The following SPHKAP variants were observed in gnomAD, a reference collection of about 807,000 sequenced individuals.
The protein encoded by SPHKAP is SPHK1 interactor, AKAP domain containing.
In SPHKAP, 67 loss-of-function variants were observed where a neutral mutation model predicts 137.5. The observed-to-expected ratio is 0.49, with a 90% CI of 0.40 to 0.60. The LOEUF (loss-of-function observed/expected upper bound fraction) is 0.60, where lower values mean the gene tolerates loss of function less well. Among genes scored for constraint, SPHKAP ranks in the 20% least tolerant of loss-of-function variants. SPHKAP has a pLI of 0.00. For synonymous variants in SPHKAP, 813 were observed against 785.3 expected (o/e 1.04, Z -0.59); for missense variants, 2,097 against 2,069.3 (o/e 1.01, Z -0.26).
At chr2:228,031,551 G>C (rs1409566316) in intron 3 of SPHKAP, among the ~76,000 whole-genome samples, 2 of 152,210 alleles carry the variant, frequency 1.3e-5, no homozygotes, top group East Asian at 3.9e-4. Flanking sequence ...GGAGATCTGA[G>C]AATGGGCAGA....
At position 228,077,525 on chromosome 2, in the gene SPHKAP, G is replaced by A. The variant is rs990886554; in HGVS notation, c.246+31307C>T. On this transcript the variant is annotated intron_variant, in intron 3 of 11. Transcript: ENST00000392056. ...TGGAACTTGAAGATTTGACTGCCCT[G>A]CTGGATTTCAGACTTGCATGGGGCC... Among the ~76,000 whole-genome samples the A allele has an allele frequency of 2.0e-5, 3 of 152,250 alleles. 1 individual carries two copies. In the East Asian group the frequency reaches 5.8e-4, roughly 29 times the overall value.
At chr2:228,170,960 TA>T (rs1386760071) in intron 1 of SPHKAP, among the ~76,000 whole-genome samples, 2 of 152,116 alleles carry the variant, frequency 1.3e-5, no homozygotes, top group African/African-American at 4.8e-5. Context: ...ATATCATGGT[TA>T]ACAACAACAC....
At chr2:228,131,404 G>A (rs1699244924) in intron 2 of SPHKAP, 1 of 567,226 alleles carries the variant, frequency 1.8e-6, no homozygotes, top group African/African-American at 2.0e-5. Context: ...CCTTAGATTT[G>A]ATTGGCTGGG....
intron 1 of SPHKAP, among the ~76,000 whole-genome samples, chr2:228,174,940 A>G (rs1700694924): frequency 6.6e-6 from 1 of 151,926 alleles, no homozygotes; most frequent in Admixed American, 6.6e-5. Context: ...TCTGATAAAT[A>G]TATCAGTAGA....
At chr2:228,031,335 G>A (rs1382551324) in intron 3 of SPHKAP, among the ~76,000 whole-genome samples, 1 of 152,216 alleles carries the variant, frequency 6.6e-6, no homozygotes, top group Admixed American at 6.5e-5. Flanking sequence ...GTTGGCCATT[G>A]CCCAGGCTTG....
At chr2:228,103,590 T>C (rs1297851215) in intron 3 of SPHKAP, among the ~76,000 whole-genome samples, 3 of 152,216 alleles carry the variant, frequency 2.0e-5, no homozygotes, top group Admixed American at 2.0e-4. Context: ...CACTCTGCCC[T>C]CCGCAGCCTG....
intron 3 of SPHKAP, among the ~76,000 whole-genome samples, chr2:228,034,666 A>C (rs111798067): frequency 2.0e-5 from 3 of 152,242 alleles, no homozygotes; most frequent in Non-Finnish European, 2.9e-5. Context: ...GCAGCACATC[A>C]AAAAGCTTAT....
rs142236970 is a variant in SPHKAP, at chr2:228,019,019, T to C, written c.1835A>G (p.Lys612Arg). The part of the protein sequence containing the change: ...LCGLASMELG[K>R]EAIAKGLLKE... ...GAGCAATCCCTTGGCAATGGCTTCC[T>C]TGCCAAGCTCCATGCTTGCTAAACC... Residue 612 changes from lysine (K) to arginine (R), a missense_variant, in exon 7 of 12, where the codon AAG becomes AGG. Physicochemically the swap from Lys to Arg is conservative, Grantham distance 26 (BLOSUM62 2). Transcript: ENST00000392056. 5.6e-5 allele frequency: 91 copies of C among 1,613,878 alleles called. No individual in the cohort carries two copies. The highest frequency in any genetic ancestry group is 1.3e-4 in the Admixed American group (8 of 59,960).
chr2:228,122,646 C>T (rs918637141), intron 2 of SPHKAP, among the ~76,000 whole-genome samples: 11 of 152,152 alleles, frequency 7.2e-5, no homozygotes, highest in Non-Finnish European at 1.5e-4. Context: ...TCTGTTTCTG[C>T]GTGGACCTGG....
chr2:228,178,947 AC>A (rs1041633195), intron 1 of SPHKAP, among the ~76,000 whole-genome samples: 9 of 152,186 alleles, frequency 5.9e-5, no homozygotes, highest in East Asian at 1.9e-4. Flanking sequence ...AAAAAAAAAA[AC>A]ATGTTTTACA....
At chr2:227,995,190 A>G (rs1460310320) in intron 8 of SPHKAP, among the ~76,000 whole-genome samples, 2 of 152,242 alleles carry the variant, frequency 1.3e-5, no homozygotes, top group Non-Finnish European at 2.9e-5. Context: ...CAGAGTATCA[A>G]ACACACCAGG....
At chr2:228,033,232 G>A (rs1000201585) in intron 3 of SPHKAP, among the ~76,000 whole-genome samples, 1 of 152,124 alleles carries the variant, frequency 6.6e-6, no homozygotes, top group African/African-American at 2.4e-5. Flanking sequence ...TGCAATCCTA[G>A]TCTCTGATAA....
chr2:228,002,113 T>A (rs1232834786), intron 7 of SPHKAP, among the ~76,000 whole-genome samples: 2 of 152,190 alleles, frequency 1.3e-5, no homozygotes, highest in East Asian at 3.8e-4. Context: ...TCAAATGGTA[T>A]TTCTAGTTCT....
chr2:227,992,739 T>A (rs190018079), intron 9 of SPHKAP, among the ~76,000 whole-genome samples: 1 of 152,320 alleles, frequency 6.6e-6, no homozygotes, highest in East Asian at 1.9e-4. Flanking sequence ...CACAACTAGT[T>A]AAATGGTGAA....
At chr2:228,091,129 G>T (rs193288499) in intron 3 of SPHKAP, among the ~76,000 whole-genome samples, 1 of 152,062 alleles carries the variant, frequency 6.6e-6, no homozygotes, top group Admixed American at 6.6e-5. Context: ...GGAGTTTGAA[G>T]GATATAAATA....
chr2:228,168,392 T>C (rs1700482024), intron 1 of SPHKAP, among the ~76,000 whole-genome samples: 1 of 152,194 alleles, frequency 6.6e-6, no homozygotes, highest in African/African-American at 2.4e-5. Context: ...GCATCATTTT[T>C]CCAAACAACA....
At chr2:228,043,721 G>A (rs551978846) in intron 3 of SPHKAP, among the ~76,000 whole-genome samples, 10 of 152,262 alleles carry the variant, frequency 6.6e-5, no homozygotes, top group South Asian at 2.1e-4. Context: ...TGACTATGGT[G>A]TAAGAAAAAG....
intron 2 of SPHKAP, among the ~76,000 whole-genome samples, chr2:228,121,603 A>C (rs573106404): frequency 2.5e-4 from 38 of 152,350 alleles, no homozygotes; most frequent in Middle Eastern, 3.4e-3. Flanking sequence ...ACTGCCTTTT[A>C]AGATGCATGC....
intron 3 of SPHKAP, among the ~76,000 whole-genome samples, chr2:228,092,219 A>G (rs1281001907): frequency 1.4e-5 from 2 of 147,960 alleles, no homozygotes; most frequent in Non-Finnish European, 3.0e-5. Context: ...ATATATACAC[A>G]CATATATACA....
Sources: allele counts gnomAD v4.1 joint callset (sites outside exome capture counted in the v4.1 genomes callset), GRCh38; gene constraint gnomAD v4.1.1; transcripts MANE v1.5; gene names NCBI Gene and HGNC (gene_info 2026-07-23, HGNC 2026-07-21).